Variants in KSR2 observed in about 807,000 individuals in gnomAD.
KSR2 encodes the protein kinase suppressor of ras 2.
A neutral mutation model predicts 107.8 loss-of-function variants in KSR2; 25 were observed. That is an observed-to-expected ratio of 0.23 (90% confidence interval 0.17 to 0.32). The LOEUF (loss-of-function observed/expected upper bound fraction) is 0.32, where lower values mean the gene tolerates loss of function less well. KSR2 is among the 10% of genes least tolerant of loss of function. The pLI is 1.00. For synonymous variants in KSR2, 480 were observed against 507.0 expected (o/e 0.95, Z 0.71); for missense variants, 887 against 1,268.9 (o/e 0.70, Z 4.57).
rs7960763 is a variant in KSR2, at chr12:117,808,174, C to T, written c.473-46650G>A. ...CCCAAAGTATGGCATTTCCTTGGGC[C>T]GCTCTGGGTGGATTATAATGAGTCT... On this transcript the variant is annotated intron_variant, in intron 3 of 19. Transcript: ENST00000339824. Among the ~76,000 whole-genome samples, 351 of 152,244 alleles carry T rather than the reference C, an allele frequency of 2.3e-3. 1 individual carries two copies. Among genetic ancestry groups the T allele is most frequent in the African/African-American group, 7.1e-3 (297 of 41,550 alleles).
Position 117,639,184 on chromosome 12 carries a change from C to T in KSR2, c.1171+28290G>A, listed in dbSNP as rs183208466. Among the ~76,000 whole-genome samples the T allele has an allele frequency of 5.2e-4, 79 of 152,146 alleles. 1 individual carries two copies. The East Asian group carries it at 0.014, about 26-fold the overall frequency. ...TCTTAAATTTTGCATCCAAGGCAAG[C>T]CTTTATTCCCAGCCCCACCCTAGTC... On this transcript the variant is annotated intron_variant, in intron 5 of 19. Coordinates refer to ENST00000339824, the MANE Select transcript of KSR2 (RefSeq NM_173598.6).
intron 1 of KSR2, among the ~76,000 whole-genome samples, chr12:117,878,973 G>A (rs1186016632): frequency 2.0e-5 from 3 of 151,822 alleles, no homozygotes; most frequent in African/African-American, 2.4e-5. Flanking sequence ...GCATCCTATC[G>A]GGGTCGTGGA....
At chr12:117,646,982 G>GCAGAGA (rs1287707583) in intron 5 of KSR2, among the ~76,000 whole-genome samples, 1 of 152,122 alleles carries the variant, frequency 6.6e-6, no homozygotes, top group Non-Finnish European at 1.5e-5. Flanking sequence ...CCAGGGAGAG[G>GCAGAGA]CAGAGACAGA....
At chr12:117,785,744 T>G (rs1293637587) in intron 3 of KSR2, among the ~76,000 whole-genome samples, 1 of 152,032 alleles carries the variant, frequency 6.6e-6, no homozygotes, top group Non-Finnish European at 1.5e-5. Flanking sequence ...GAATAGAAAT[T>G]ATCAAATCCA....
Position 117,461,584 on chromosome 12 carries a change from C to T in KSR2, c.*5615G>A. ...CTGGTAACAGAATGGGTATGGATTG[C>T]AGGGCCTCGAGAAGGGAGTCTGGGA... On this transcript the variant is annotated 3_prime_UTR_variant, in exon 20 of 20. Transcript: ENST00000339824. 6.4e-6 allele frequency: 1 copy of T among 155,630 alleles called. No homozygotes were observed. Among genetic ancestry groups the T allele is most frequent in the Non-Finnish European group, 1.4e-5 (1 of 69,700 alleles). 9.6% of individuals were successfully genotyped at this position (155,630 alleles called of 1,614,324 possible). A position where few individuals can be genotyped will look rare whatever the true frequency, so the allele number is the denominator to read the frequency against.
chr12:117,558,981 T>C lies in KSR2; in HGVS notation c.1326-408A>G, dbSNP rs146121971. Among the ~76,000 whole-genome samples the C allele has an allele frequency of 2.4e-4, 36 of 151,536 alleles. 1 individual carries two copies. In the East Asian group the frequency reaches 6.6e-3, roughly 28 times the overall value. Reference sequence around the variant, plus strand: ...GATGAATGAACAGACAGATTGATGGTTGATGTGTGGATAGATGAGGAAGTG... The same window carrying C: ...GATGAATGAACAGACAGATTGATGGCTGATGTGTGGATAGATGAGGAAGTG... On this transcript the variant is annotated intron_variant, in intron 7 of 19. Transcript: ENST00000339824.
At chr12:117,656,985 T>TATATAC (rs1884199411) in intron 5 of KSR2, among the ~76,000 whole-genome samples, 1 of 18,196 alleles carries the variant, frequency 5.5e-5, no homozygotes, top group East Asian at 1.1e-3. Context: ...TAATAGGATA[T>TATATAC]ATATATATAT....
chr12:117,821,257 A>G (rs998602734), intron 3 of KSR2, among the ~76,000 whole-genome samples: 8 of 152,188 alleles, frequency 5.3e-5, no homozygotes, highest in African/African-American at 1.9e-4. Flanking sequence ...TCCTAGAACA[A>G]CACAGGTTTT....
chr12:117,751,117 C>G (rs1888597729), intron 4 of KSR2, among the ~76,000 whole-genome samples: 1 of 152,156 alleles, frequency 6.6e-6, no homozygotes, highest in Non-Finnish European at 1.5e-5. Context: ...ATCCTGTTTT[C>G]ATGATAGTGA....
intron 1 of KSR2, among the ~76,000 whole-genome samples, chr12:117,870,088 T>C (rs974519776): frequency 3.9e-5 from 6 of 152,160 alleles, no homozygotes; most frequent in Non-Finnish European, 1.5e-5. Context: ...CTAGGAGCTG[T>C]TCACGGCTCC....
At chr12:117,938,072 C>T (rs1035474217) in intron 1 of KSR2, among the ~76,000 whole-genome samples, 4 of 151,884 alleles carry the variant, frequency 2.6e-5, no homozygotes, top group African/African-American at 9.7e-5. Context: ...TAACTCTTGG[C>T]ATTTGTGCAT....
At chr12:117,862,930 C>T (rs373778681) in intron 1 of KSR2, among the ~76,000 whole-genome samples, 2 of 152,038 alleles carry the variant, frequency 1.3e-5, no homozygotes, top group African/African-American at 2.4e-5. Flanking sequence ...GGGGTTTCAC[C>T]GTGTTAGCCA....
intron 6 of KSR2, among the ~76,000 whole-genome samples, chr12:117,581,333 C>T (rs764718751): frequency 6.6e-6 from 1 of 152,084 alleles, no homozygotes; most frequent in Non-Finnish European, 1.5e-5. Flanking sequence ...CACGAGCTCC[C>T]CAAGGGAACA....
intron 4 of KSR2, among the ~76,000 whole-genome samples, chr12:117,753,106 T>C (rs953557783): frequency 6.6e-6 from 1 of 152,266 alleles, no homozygotes. Context: ...AGAGGGATTC[T>C]TGATAACTCT....
At chr12:117,669,921 G>T (rs1479156414) in intron 4 of KSR2, among the ~76,000 whole-genome samples, 2 of 150,762 alleles carry the variant, frequency 1.3e-5, no homozygotes, top group Non-Finnish European at 2.9e-5. Flanking sequence ...GAAAGTGAGG[G>T]GCTTAGCAAT....
chr12:117,472,449 C>A (rs908712698), intron 17 of KSR2, among the ~76,000 whole-genome samples: 1 of 152,110 alleles, frequency 6.6e-6, no homozygotes, highest in Non-Finnish European at 1.5e-5. Context: ...CAGATCTCAG[C>A]GCTTTGAGCA....
chr12:117,556,654 G>T (rs1312384378), intron 8 of KSR2, among the ~76,000 whole-genome samples: 1 of 151,936 alleles, frequency 6.6e-6, no homozygotes, highest in Non-Finnish European at 1.5e-5. Flanking sequence ...TCTAAATTAG[G>T]GCAGATTCCC....
intron 4 of KSR2, among the ~76,000 whole-genome samples, chr12:117,753,205 G>A (rs1372180694): frequency 1.3e-5 from 2 of 152,204 alleles, no homozygotes; most frequent in African/African-American, 4.8e-5. Context: ...GCTCCTTTGG[G>A]AACGTTTTTA....
chr12:117,746,492 T>A (rs189886928), intron 4 of KSR2, among the ~76,000 whole-genome samples: 19 of 152,176 alleles, frequency 1.2e-4, no homozygotes, highest in African/African-American at 4.6e-4. Context: ...GAAGAAAACT[T>A]AGGCAATACC....
Sources: gnomAD v4.1 joint callset for allele counts (sites outside exome capture counted in the v4.1 genomes callset) on GRCh38, gnomAD v4.1.1 for gene constraint, MANE v1.5 for transcripts, NCBI Gene and HGNC (gene_info 2026-07-23, HGNC 2026-07-21) for gene names.